The following SYPL1 variants were observed in gnomAD, a reference collection of about 807,000 sequenced individuals.
The protein encoded by SYPL1 is synaptophysin like 1.
A neutral mutation model predicts 23.7 loss-of-function variants in SYPL1; 6 were observed. That is an observed-to-expected ratio of 0.25 (90% CI 0.14 to 0.50). The LOEUF (loss-of-function observed/expected upper bound fraction) is 0.50, where lower values mean the gene tolerates loss of function less well. SYPL1 is among the 20% of genes least tolerant of loss of function. The pLI is 0.98. For missense variants in SYPL1, 253 were observed against 288.9 expected, an observed-to-expected ratio of 0.88 and a Z score of 0.90; for synonymous variants, 102 against 104.5, an observed-to-expected ratio of 0.98 and a Z score of 0.15.
rs769353042 is a variant in SYPL1 at position 106,099,299 on chromosome 7, G to GA, written c.70-18dup. 2 of 1,588,094 alleles carry GA rather than the reference G, an allele frequency of 1.3e-6. No homozygotes were observed. Among genetic ancestry groups the GA allele is most frequent in the Non-Finnish European group, 8.5e-7 (1 of 1,172,624 alleles). ...AGAAGCAATCTACACAAAGTAAGATGAAAAAAGACAAAAGAAAAAAAAGAT... is the reference window on the plus strand; with the variant it reads ...AGAAGCAATCTACACAAAGTAAGATGAAAAAAAGACAAAAGAAAAAAAAGAT... On this transcript the variant is annotated splice_polypyrimidine_tract_variant and intron_variant, in intron 1 of 4. Transcript: ENST00000455385.
At position 106,097,737 on chromosome 7, in the gene SYPL1, C is replaced by A; in HGVS notation, c.355G>T (p.Val119Phe). Reference protein sequence around the residue: ...LYCIAALLLYVGYTSLYLDSR... With the variant: ...LYCIAALLLYFGYTSLYLDSR... Reference sequence around the variant, plus strand: ...TCCAGATACAGACTCGTGTAGCCAACATAAAGCAGAAGGGCAGCAATGCAG... The same window carrying A: ...TCCAGATACAGACTCGTGTAGCCAAAATAAAGCAGAAGGGCAGCAATGCAG... The change falls in exon 3 of 5, where the codon GTT (valine) becomes TTT (phenylalanine). Residue 119 changes from valine (V) to phenylalanine (F), a missense_variant. Transcript: ENST00000455385. The surrounding 1 kb of genome is among the most constrained non-coding windows in gnomAD (Gnocchi z 4.6). 6.2e-7 allele frequency: 1 copy of A among 1,613,856 alleles called. No individual in the cohort carries two copies. The highest frequency in any genetic ancestry group is 8.5e-7 in the Non-Finnish European group (1 of 1,179,882).
chr7:106,110,408 T>C (rs1196734813), intron 1 of SYPL1, among the ~76,000 whole-genome samples: 1 of 152,216 alleles, frequency 6.6e-6, no homozygotes, highest in Non-Finnish European at 1.5e-5. Flanking sequence ...CTCTCCCTCA[T>C]TTCTTCTACT....
Position 106,093,155 on chromosome 7 carries a change from AAG to A in SYPL1, c.403-20_403-19del, listed in dbSNP as rs777543910. The A allele has an allele frequency of 6.4e-7, 1 of 1,556,906 alleles. No individual in the cohort carries two copies. Among genetic ancestry groups the A allele is most frequent in the African/African-American group, 1.4e-5 (1 of 71,986 alleles). On this transcript the variant is annotated intron_variant, in intron 3 of 4. Transcript: ENST00000455385. ...ACAAAGTCCTAAAGCAAAAATCAGT[AAG>A]AGTTAATAATGAACAGTTAATTTTA...
At position 106,091,307 on chromosome 7, in the gene SYPL1, C is replaced by T. The variant is rs1839717809; in HGVS notation, c.*498G>A. On this transcript the variant is annotated 3_prime_UTR_variant, in exon 5 of 5. Coordinates refer to ENST00000455385, the MANE Select transcript of SYPL1 (RefSeq NM_182715.4). The surrounding 1 kb of genome is among the most constrained non-coding windows in gnomAD (Gnocchi z 5.0). The stretch of plus-strand genomic sequence containing the variant: ...CTTTGCAATTAAAAAAAAATCATAA[C>T]ATAAACAATGTTAGATATAAATTTT... 6.6e-6 allele frequency: 1 copy of T among 152,296 alleles called. No homozygotes were observed. 9.4% of individuals were successfully genotyped at this position (152,296 alleles called of 1,614,324 possible). A position where few individuals can be genotyped will look rare whatever the true frequency, so the allele number is the denominator to read the frequency against.
Position 106,112,257 on chromosome 7 carries a change from G to C in SYPL1, c.-49C>G. On this transcript the variant is annotated 5_prime_UTR_variant, in exon 1 of 5. Transcript: ENST00000455385. The stretch of plus-strand genomic sequence containing the variant: ...GAGTCAGGACGACGGGGCGGAGGAG[G>C]GGACCGACGAGACCAGAGCAGCCCG... 1.3e-6 allele frequency: 2 copies of C among 1,512,664 alleles called. No homozygotes were observed. The highest frequency in any genetic ancestry group is 1.8e-6 in the Non-Finnish European group (2 of 1,120,284). 93.7% of individuals were successfully genotyped at this position (1,512,664 alleles called of 1,614,324 possible).
rs2116052526 is a variant in SYPL1 at position 106,091,642 on chromosome 7, C to T, written c.*163G>A. The T allele has an allele frequency of 3.1e-6, 2 of 652,910 alleles. No individual in the cohort carries two copies. Among genetic ancestry groups the T allele is most frequent in the East Asian group, 6.1e-5 (2 of 32,836 alleles). 40.4% of individuals were successfully genotyped at this position (652,910 alleles called of 1,614,324 possible). A position where few individuals can be genotyped will look rare whatever the true frequency, so the allele number is the denominator to read the frequency against. On this transcript the variant is annotated 3_prime_UTR_variant, in exon 5 of 5. Transcript: ENST00000455385. The surrounding 1 kb of genome is among the most constrained non-coding windows in gnomAD (Gnocchi z 5.0). ...GAGAATACATTTACATCTTAACTTTCTAGGAAAGGCACAGGCTTTATGTAA... is the reference window on the plus strand; with the variant it reads ...GAGAATACATTTACATCTTAACTTTTTAGGAAAGGCACAGGCTTTATGTAA...
chr7:106,099,803 T>C (rs1037038574), intron 1 of SYPL1, among the ~76,000 whole-genome samples: 2 of 152,212 alleles, frequency 1.3e-5, no homozygotes, highest in African/African-American at 4.8e-5. Context: ...TCCTCCCAAG[T>C]AGCTGGGACT....
At position 106,104,189 on chromosome 7, in the gene SYPL1, A is replaced by G. The variant is rs1840469579; in HGVS notation, c.70-4907T>C. ...ATTCTTCTCTTGAGCTATCATAGAC[A>G]TTAACTCTATTATATATGAACTCTA... On this transcript the variant is annotated intron_variant, in intron 1 of 4. Coordinates refer to ENST00000455385, the MANE Select transcript of SYPL1 (RefSeq NM_182715.4). This position sits in a 1 kb window ranked among gnomAD's most constrained non-coding sequence, Gnocchi z 4.1. Among the ~76,000 whole-genome samples, 1 of 152,202 alleles carries G rather than the reference A, an allele frequency of 6.6e-6. No individual in the cohort carries two copies. Among genetic ancestry groups the G allele is most frequent in the South Asian group, 2.1e-4 (1 of 4,836 alleles).
At chr7:106,092,562 A>C in intron 4 of SYPL1, 1 of 322,392 alleles carries the variant, frequency 3.1e-6, no homozygotes, top group Non-Finnish European at 5.9e-6. Context: ...AATCCCAGCT[A>C]CCTGGGAGGC....
chr7:106,099,779 G>GAAC (rs1297605413), intron 1 of SYPL1, among the ~76,000 whole-genome samples: 1 of 152,092 alleles, frequency 6.6e-6, no homozygotes, highest in Non-Finnish European at 1.5e-5. Flanking sequence ...CTGCAGCCCT[G>GAAC]AACTCTCAAG....
chr7:106,099,225 G>T lies in SYPL1; in HGVS notation c.127C>A (p.Gln43Lys), dbSNP rs765359584. 6.2e-7 allele frequency: 1 copy of T among 1,613,816 alleles called. No homozygotes were observed. The highest frequency in any genetic ancestry group is 1.3e-5 in the African/African-American group (1 of 74,858). ...GTAACTGCAGGAGGACAATTCACTT[G>T]AATTTCTGTTTGGCCCTTAAAACCT... ...CGGFKGQTEI[Q>K]VNCPPAVTEN... Residue 43 changes from glutamine to lysine, a missense_variant, in exon 2 of 5, where the codon CAA (glutamine) becomes AAA (lysine). Gln to Lys is a moderately conservative substitution (Grantham distance 53, BLOSUM62 1). Transcript: ENST00000455385.
rs776054382 is a variant in SYPL1 at position 106,091,943 on chromosome 7, TGAAAGA to T, written c.592-10_592-5del. 8 of 1,593,294 alleles carry T rather than the reference TGAAAGA, an allele frequency of 5.0e-6. No homozygotes were observed. The African/African-American group carries it at 6.8e-5, about 14-fold the overall frequency. ...TCATATTTAGAAAGCCAAATATCTA[TGAAAGA>T]GAAAAAGAAATATGAAAATCAAATA... On this transcript the variant is annotated splice_region_variant and splice_polypyrimidine_tract_variant and intron_variant, in intron 4 of 4. Coordinates refer to ENST00000455385, the MANE Select transcript of SYPL1 (RefSeq NM_182715.4). This position sits in a 1 kb window ranked among gnomAD's most constrained non-coding sequence, Gnocchi z 5.0.
chr7:106,099,377 A>G, intron 1 of SYPL1, 95 bp from the exon 2 acceptor site: 1 of 1,391,530 alleles, frequency 7.2e-7, no homozygotes, highest in Non-Finnish European at 9.7e-7. Flanking sequence ...CACACTGATT[A>G]TTAAAAATTG....
At chr7:106,099,024 G>A (rs1354062969) in intron 2 of SYPL1, 134 bp downstream of exon 2, 10 of 1,081,810 alleles carry the variant, frequency 9.2e-6, no homozygotes, top group Admixed American at 2.4e-5. Flanking sequence ...CAGTTTGGGA[G>A]GTAATGATCA....
chr7:106,106,431 A>T (rs1440145848), intron 1 of SYPL1, among the ~76,000 whole-genome samples: 1 of 152,114 alleles, frequency 6.6e-6, no homozygotes, highest in African/African-American at 2.4e-5. Flanking sequence ...GGGCACCTGT[A>T]ATCCCAGCTA....
In SYPL1 at chr7:106,090,729, C is replaced by T. The variant is rs1179603270; in HGVS notation, c.*1076G>A. On this transcript the variant is annotated 3_prime_UTR_variant, in exon 5 of 5. Coordinates refer to ENST00000455385, the MANE Select transcript of SYPL1 (RefSeq NM_182715.4). ...TTCAGAATATACCTATATGTGTGTG[C>T]AAAGACAATACACTCATCATATACC... is the stretch of plus-strand genomic sequence containing the variant. The T allele has an allele frequency of 6.6e-6, 1 of 152,314 alleles. No homozygotes were observed. Among genetic ancestry groups the T allele is most frequent in the African/African-American group, 2.4e-5 (1 of 41,450 alleles). The allele number at this position is 152,314 out of a possible 1,614,324, so 9.4% of individuals were successfully genotyped here.
In SYPL1 at chr7:106,095,568, C is replaced by T. The variant is rs10254452; in HGVS notation, c.402+2122G>A. ...TTCACCATGTTGGCCAGGCTGGTCT[C>T]GAACTCCTGACCTCCTGGAGTGATC... On this transcript the variant is annotated intron_variant, in intron 3 of 4. Coordinates refer to ENST00000455385, the MANE Select transcript of SYPL1 (RefSeq NM_182715.4). The surrounding 1 kb of genome is among the most constrained non-coding windows in gnomAD (Gnocchi z 4.3). Among the ~76,000 whole-genome samples, 6,867 of 152,110 alleles carry T rather than the reference C, an allele frequency of 0.045. 508 individuals are homozygous for T. The highest frequency in any genetic ancestry group is 0.16 in the African/African-American group (6,456 of 41,470).
chr7:106,112,552 C>G, upstream of SYPL1: 1 of 1,499,114 alleles, frequency 6.7e-7, no homozygotes, highest in Non-Finnish European at 8.9e-7. Flanking sequence ...GCGCCCCCTT[C>G]CCTGCGGTTC....
intron 1 of SYPL1, among the ~76,000 whole-genome samples, chr7:106,108,756 G>A (rs939651917): frequency 6.6e-5 from 10 of 152,064 alleles, no homozygotes; most frequent in African/African-American, 1.9e-4. Flanking sequence ...TCTCCCTGCC[G>A]TATTTTCTGT....
Sources: allele counts gnomAD v4.1 joint callset (sites outside exome capture counted in the v4.1 genomes callset), GRCh38; gene constraint gnomAD v4.1.1; non-coding constraint Gnocchi (gnomAD v3.1); transcripts MANE v1.5; gene names NCBI Gene and HGNC (gene_info 2026-07-23, HGNC 2026-07-21).